Variants in SLC22A23 observed in about 807,000 individuals in gnomAD.
SLC22A23 encodes the protein ion transporter protein.
A neutral mutation model predicts 61.0 loss-of-function variants in SLC22A23; 26 were observed. That is an observed-to-expected ratio of 0.43 (90% CI 0.31 to 0.59). SLC22A23 has a LOEUF of 0.59. Ranked by LOEUF, SLC22A23 falls within the 20% of genes least tolerant of loss-of-function variation. The pLI is 0.11. For missense variants in SLC22A23, 796 were observed against 934.7 expected (o/e 0.85, Z 1.94); for synonymous variants, 430 against 413.9 (o/e 1.04, Z -0.47).
At position 3,309,337 on chromosome 6, in the gene SLC22A23, G is replaced by A. The variant is rs1468909511; in HGVS notation, c.1083-11119C>T. On this transcript the variant is annotated intron_variant, in intron 4 of 9. Coordinates refer to ENST00000406686, the MANE Select transcript of SLC22A23 (RefSeq NM_015482.2). The surrounding 1 kb of genome is among the most constrained non-coding windows in gnomAD (Gnocchi z 4.7). ...TAAACATGAAAAGAGCCAAGAATTCGAAATTAAGTAAAAGGGGTCTCTAAT... is the reference window on the plus strand; with the variant it reads ...TAAACATGAAAAGAGCCAAGAATTCAAAATTAAGTAAAAGGGGTCTCTAAT... 2.0e-5 allele frequency among the ~76,000 whole-genome samples: 3 copies of A among 152,106 alleles called. No individual in the cohort carries two copies. The highest frequency in any genetic ancestry group is 7.2e-5 in the African/African-American group (3 of 41,424).
At chr6:3,350,345 C>T (rs1340233794) in intron 3 of SLC22A23, among the ~76,000 whole-genome samples, 1 of 152,128 alleles carries the variant, frequency 6.6e-6, no homozygotes, top group Non-Finnish European at 1.5e-5. Flanking sequence ...CAATGCACTG[C>T]CTGATTTTAT....
intron 5 of SLC22A23, among the ~76,000 whole-genome samples, chr6:3,292,880 G>A (rs565100914): frequency 9.8e-5 from 15 of 152,320 alleles, no homozygotes; most frequent in Non-Finnish European, 1.5e-4. Flanking sequence ...TTCCCGCCCC[G>A]TGCTCAGTGA....
At chr6:3,450,513 G>C (rs1446521455) in intron 1 of SLC22A23, among the ~76,000 whole-genome samples, 1 of 152,142 alleles carries the variant, frequency 6.6e-6, no homozygotes, top group East Asian at 1.9e-4. Context: ...CACTATGTTG[G>C]CCAGGCTGGT....
intron 3 of SLC22A23, among the ~76,000 whole-genome samples, chr6:3,352,228 T>C (rs1431134181): frequency 6.6e-6 from 1 of 151,680 alleles, no homozygotes; most frequent in Non-Finnish European, 1.5e-5. Context: ...TACACGGACA[T>C]GTACAGACAC....
At chr6:3,394,592 G>A (rs1767886005) in intron 3 of SLC22A23, among the ~76,000 whole-genome samples, 1 of 152,182 alleles carries the variant, frequency 6.6e-6, no homozygotes, top group Admixed American at 6.5e-5. Context: ...GTTGCTTCAT[G>A]GCAGCCCCTG....
chr6:3,407,773 T>G (rs750524896), intron 3 of SLC22A23, among the ~76,000 whole-genome samples: 3 of 152,238 alleles, frequency 2.0e-5, no homozygotes, highest in Non-Finnish European at 2.9e-5. Context: ...TGACCATTTA[T>G]GCCCTGCTTT....
At chr6:3,373,089 CACAA>C (rs1263332045) in intron 3 of SLC22A23, among the ~76,000 whole-genome samples, 2 of 152,180 alleles carry the variant, frequency 1.3e-5, no homozygotes, top group African/African-American at 4.8e-5. Flanking sequence ...TAAGATGTCT[CACAA>C]ACAATGTGGA....
intron 1 of SLC22A23, chr6:3,432,063 C>T (rs1166491789): frequency 1.5e-5 from 4 of 272,566 alleles, no homozygotes; most frequent in Non-Finnish European, 2.2e-5. Context: ...GTAATCCCCA[C>T]AAAGCTTTAT....
At chr6:3,395,246 C>A (rs559777390) in intron 3 of SLC22A23, among the ~76,000 whole-genome samples, 1 of 152,322 alleles carries the variant, frequency 6.6e-6, no homozygotes, top group African/African-American at 2.4e-5. Context: ...CCCACATTTT[C>A]ATCTGGATTT....
rs116718017 is a variant in SLC22A23, at chr6:3,288,499, C to T, written c.1313+1265G>A. On this transcript the variant is annotated intron_variant, in intron 6 of 9. Transcript: ENST00000406686. Reference sequence around the variant, plus strand: ...TTGGTTCAGTTAGCCTCCAGAGTTCCTCTTCTGGCCTGCTGAGATAGCAGG... The same window carrying T: ...TTGGTTCAGTTAGCCTCCAGAGTTCTTCTTCTGGCCTGCTGAGATAGCAGG... Among the ~76,000 whole-genome samples, 635 of 152,350 alleles carry T rather than the reference C, an allele frequency of 4.2e-3. 7 individuals are homozygous for T. The highest frequency in any genetic ancestry group is 0.014 in the African/African-American group (569 of 41,580).
At chr6:3,352,186 CTT>C (rs1195810697) in intron 3 of SLC22A23, among the ~76,000 whole-genome samples, 1 of 152,140 alleles carries the variant, frequency 6.6e-6, no homozygotes, top group Admixed American at 6.5e-5. Flanking sequence ...GAGAGTGCCT[CTT>C]GTCCTGCTGC....
intron 1 of SLC22A23, among the ~76,000 whole-genome samples, chr6:3,434,608 CAAA>C (rs67335880): frequency 7.1e-6 from 1 of 141,624 alleles, no homozygotes; most frequent in Non-Finnish European, 1.5e-5. Context: ...GACTCCATCT[CAAA>C]AAAAAAAAAA....
In SLC22A23 at chr6:3,272,828, C is replaced by T; in HGVS notation, c.*227G>A. ...TAAAAATGACCAAAATAAATACACACATTTAACGGCAGAAAAGAAAGTCTT... is the reference window on the plus strand; with the variant it reads ...TAAAAATGACCAAAATAAATACACATATTTAACGGCAGAAAAGAAAGTCTT... On this transcript the variant is annotated 3_prime_UTR_variant, in exon 10 of 10. Coordinates refer to ENST00000406686, the MANE Select transcript of SLC22A23 (RefSeq NM_015482.2). The T allele has an allele frequency of 4.2e-6, 2 of 471,628 alleles. No homozygotes were observed. The highest frequency in any genetic ancestry group is 3.7e-6 in the Non-Finnish European group (1 of 267,636). 29.2% of individuals were successfully genotyped at this position (471,628 alleles called of 1,614,324 possible). A position where few individuals can be genotyped will look rare whatever the true frequency, so the allele number is the denominator to read the frequency against.
intron 3 of SLC22A23, among the ~76,000 whole-genome samples, chr6:3,353,766 C>G (rs1764914035): frequency 6.6e-6 from 1 of 152,146 alleles, no homozygotes; most frequent in Non-Finnish European, 1.5e-5. Context: ...CTGCTGTTCC[C>G]AAGAGCTCCC....
intron 3 of SLC22A23, among the ~76,000 whole-genome samples, chr6:3,361,982 T>C (rs1345590211): frequency 2.0e-5 from 3 of 152,188 alleles, no homozygotes; most frequent in African/African-American, 4.8e-5. Context: ...ACAAGGACTG[T>C]AGAAACATGG....
At position 3,342,423 on chromosome 6, in the gene SLC22A23, C is replaced by G. The variant is rs527531274; in HGVS notation, c.914-18421G>C. On this transcript the variant is annotated intron_variant, in intron 3 of 9. Transcript: ENST00000406686. The surrounding 1 kb of genome is among the most constrained non-coding windows in gnomAD (Gnocchi z 4.0). ...CCCAGAAACTATGGAAGTGAGGCCA[C>G]TAGGGTTCACGGCTCACCTCCTTTG... is the stretch of plus-strand genomic sequence containing the variant. Among the ~76,000 whole-genome samples, 1 of 152,272 alleles carries G rather than the reference C, an allele frequency of 6.6e-6. No individual in the cohort carries two copies. Among genetic ancestry groups the G allele is most frequent in the South Asian group, 2.1e-4 (1 of 4,824 alleles).
chr6:3,391,908 A>C (rs754132284), intron 3 of SLC22A23, among the ~76,000 whole-genome samples: 9 of 152,132 alleles, frequency 5.9e-5, no homozygotes, highest in Non-Finnish European at 1.2e-4. Flanking sequence ...GGTGAGTACA[A>C]AGGAACTAAG....
intron 1 of SLC22A23, among the ~76,000 whole-genome samples, chr6:3,448,269 T>TTA (rs1324787277): frequency 4.6e-5 from 7 of 151,994 alleles, no homozygotes; most frequent in African/African-American, 1.7e-4. Flanking sequence ...CAACCGGCTC[T>TTA]ATGAAGAAAA....
intron 8 of SLC22A23, 145 bp from the exon 9 acceptor site, chr6:3,284,120 C>G: frequency 1.3e-6 from 1 of 766,270 alleles, no homozygotes; most frequent in Non-Finnish European, 2.0e-6. Flanking sequence ...GGGGACCAAG[C>G]AGCACCTCAA....
Sources: gnomAD v4.1 joint callset for allele counts (sites outside exome capture counted in the v4.1 genomes callset) on GRCh38, gnomAD v4.1.1 for gene constraint, Gnocchi (gnomAD v3.1) non-coding constraint, MANE v1.5 for transcripts, NCBI Gene and HGNC (gene_info 2026-07-23, HGNC 2026-07-21) for gene names.